Variants in RNGTT observed in about 807,000 individuals in gnomAD.
RNGTT encodes the protein RNA guanylyltransferase and 5'-phosphatase.
A neutral mutation model predicts 79.3 loss-of-function variants in RNGTT; 33 were observed. The observed-to-expected ratio is 0.42, with a 90% confidence interval of 0.32 to 0.56. The LOEUF (loss-of-function observed/expected upper bound fraction) is 0.56, where lower values mean the gene tolerates loss of function less well. Among genes scored for constraint, RNGTT ranks in the 20% least tolerant of loss-of-function variants. The pLI, the probability that RNGTT is intolerant of heterozygous loss-of-function variation, is 0.17. For missense variants in RNGTT, 497 were observed against 739.1 expected (o/e 0.67, Z 3.80); for synonymous variants, 222 against 235.9 (o/e 0.94, Z 0.54).
rs112903146 is a variant in RNGTT, at chr6:88,893,045, T to C, written c.685-1130A>G. On this transcript the variant is annotated intron_variant, in intron 6 of 15. Coordinates refer to ENST00000369485, the MANE Select transcript of RNGTT (RefSeq NM_003800.5). ...ATCAAAGAGTACCATCCCTCTACTA[T>C]TATACCATTATTTCTCTGTACTAGC... Among the ~76,000 whole-genome samples the C allele has an allele frequency of 1.3e-3, 203 of 152,180 alleles. 2 individuals are homozygous for C. The East Asian group carries it at 0.036, about 27-fold the overall frequency.
intron 13 of RNGTT, among the ~76,000 whole-genome samples, chr6:88,750,796 C>G (rs987370655): frequency 1.3e-5 from 2 of 152,128 alleles, no homozygotes; most frequent in South Asian, 4.1e-4. Context: ...TTCTCTGGAA[C>G]CTTCTTGGTC....
chr6:88,624,321 C>A (rs367912500), intron 14 of RNGTT, among the ~76,000 whole-genome samples: 5 of 151,890 alleles, frequency 3.3e-5, no homozygotes, highest in African/African-American at 1.2e-4. Context: ...TAACTGATCT[C>A]AAAACTTAGT....
At chr6:88,855,833 C>T (rs753854907) in intron 8 of RNGTT, among the ~76,000 whole-genome samples, 1 of 152,142 alleles carries the variant, frequency 6.6e-6, no homozygotes, top group Non-Finnish European at 1.5e-5. Flanking sequence ...AGCAGCAATT[C>T]CTGGTGGATA....
chr6:88,676,383 G>GAA (rs1182839974), intron 14 of RNGTT, among the ~76,000 whole-genome samples: 3 of 148,920 alleles, frequency 2.0e-5, no homozygotes, highest in African/African-American at 7.6e-5. Flanking sequence ...AAAAAAAGAT[G>GAA]ACAAAAAAAA....
At chr6:88,674,167 C>T (rs2756400) in intron 14 of RNGTT, among the ~76,000 whole-genome samples, 40,675 of 152,038 alleles carry the variant, frequency 0.27, 9,546 homozygotes, top group African/African-American at 0.64. Flanking sequence ...CTTTAGAGAA[C>T]GTTTAGATTT....
At chr6:88,646,509 A>C (rs1379859285) in intron 14 of RNGTT, among the ~76,000 whole-genome samples, 10 of 152,180 alleles carry the variant, frequency 6.6e-5, no homozygotes, top group Non-Finnish European at 1.3e-4. Context: ...ACCCAAAGGA[A>C]TATAAATCAT....
chr6:88,827,326 G>A (rs1042166958), intron 11 of RNGTT, among the ~76,000 whole-genome samples: 4 of 152,024 alleles, frequency 2.6e-5, no homozygotes, highest in African/African-American at 7.2e-5. Flanking sequence ...AAGCCATGAC[G>A]GACTGTGCCA....
intron 1 of RNGTT, among the ~76,000 whole-genome samples, chr6:88,960,755 T>C (rs1227435597): frequency 6.6e-6 from 1 of 152,236 alleles, no homozygotes; most frequent in African/African-American, 2.4e-5. Flanking sequence ...TCTGGTTTCA[T>C]CAGAGAAAGT....
chr6:88,829,079 T>TA, intron 11 of RNGTT, among the ~76,000 whole-genome samples: 1 of 152,054 alleles, frequency 6.6e-6, no homozygotes, highest in Middle Eastern at 3.4e-3. Context: ...CCAAGACATA[T>TA]AATCATCAGA....
chr6:88,763,599 T>C (rs1227722710), intron 13 of RNGTT, among the ~76,000 whole-genome samples: 1 of 152,192 alleles, frequency 6.6e-6, no homozygotes, highest in African/African-American at 2.4e-5. Flanking sequence ...AACAAATCAC[T>C]GATCAACAAT....
intron 8 of RNGTT, among the ~76,000 whole-genome samples, chr6:88,889,889 G>A (rs762133183): frequency 5.3e-5 from 8 of 152,106 alleles, no homozygotes; most frequent in Non-Finnish European, 5.9e-5. Context: ...TGAGGTGGGA[G>A]GATTACTCGA....
rs1778932008 is a variant in RNGTT at position 88,777,625 on chromosome 6, A to T, written c.1339-7751T>A. Among the ~76,000 whole-genome samples, 3 of 152,192 alleles carry T rather than the reference A, an allele frequency of 2.0e-5. No individual in the cohort carries two copies. In the South Asian group the frequency reaches 6.2e-4, roughly 31 times the overall value. ...CAGATAGGCTGTTATCGATTGGTGT[A>T]AAGAAATGTAACTGATTTCTGTATG... On this transcript the variant is annotated intron_variant, in intron 12 of 15. Transcript: ENST00000369485.
intron 9 of RNGTT, among the ~76,000 whole-genome samples, chr6:88,850,255 A>T (rs1781626901): frequency 6.6e-6 from 1 of 151,984 alleles, no homozygotes; most frequent in African/African-American, 2.4e-5. Context: ...AATAAATGGC[A>T]TCCTCATTAT....
chr6:88,696,632 A>C (rs1775681798), intron 13 of RNGTT, among the ~76,000 whole-genome samples: 1 of 151,898 alleles, frequency 6.6e-6, no homozygotes, highest in South Asian at 2.1e-4. Context: ...ACACACACAC[A>C]CAAAATGTGT....
intron 12 of RNGTT, among the ~76,000 whole-genome samples, chr6:88,800,105 T>G (rs1779735968): frequency 1.3e-5 from 2 of 152,296 alleles, no homozygotes; most frequent in South Asian, 4.1e-4. Flanking sequence ...GCCAATCACA[T>G]ATCACATTGT....
At position 88,631,717 on chromosome 6, in the gene RNGTT, G is replaced by T. The variant is rs530545719; in HGVS notation, c.1507-17322C>A. Among the ~76,000 whole-genome samples, 29 of 152,146 alleles carry T rather than the reference G, an allele frequency of 1.9e-4. No homozygotes were observed. The South Asian group carries it at 5.6e-3, about 29-fold the overall frequency. Reference sequence around the variant, plus strand: ...TTTATGCCCCTTATTTCATTCAGAAGATCTGTTTGCCTGCAGTGGACCATA... The same window carrying T: ...TTTATGCCCCTTATTTCATTCAGAATATCTGTTTGCCTGCAGTGGACCATA... On this transcript the variant is annotated intron_variant, in intron 14 of 15. Transcript: ENST00000369485.
chr6:88,793,605 C>T (rs1779493303), intron 12 of RNGTT, among the ~76,000 whole-genome samples: 1 of 152,124 alleles, frequency 6.6e-6, no homozygotes, highest in African/African-American at 2.4e-5. Context: ...TGGCTCATGC[C>T]TATAATCCCA....
intron 8 of RNGTT, among the ~76,000 whole-genome samples, chr6:88,884,016 G>A (rs969535610): frequency 6.6e-6 from 1 of 152,194 alleles, no homozygotes; most frequent in Non-Finnish European, 1.5e-5. Flanking sequence ...CAAGGCTGTG[G>A]TGGTACAGGC....
intron 11 of RNGTT, among the ~76,000 whole-genome samples, chr6:88,840,740 A>AT (rs1391913844): frequency 1.3e-5 from 2 of 152,196 alleles, no homozygotes; most frequent in Non-Finnish European, 2.9e-5. Flanking sequence ...ATTTTAAGGA[A>AT]TTACATAAGC....
Sources: allele counts gnomAD v4.1 joint callset (sites outside exome capture counted in the v4.1 genomes callset), GRCh38; gene constraint gnomAD v4.1.1; transcripts MANE v1.5; gene names NCBI Gene and HGNC (gene_info 2026-07-23, HGNC 2026-07-21).